The following SYT9 variants were observed in gnomAD, a reference collection of about 807,000 sequenced individuals.
SYT9 encodes synaptotagmin 9.
In SYT9, 22 loss-of-function variants were observed where a neutral mutation model predicts 48.4. That is an observed-to-expected ratio of 0.45 (90% CI 0.32 to 0.65). The LOEUF (loss-of-function observed/expected upper bound fraction) is 0.65, where lower values mean the gene tolerates loss of function less well. Among genes scored for constraint, SYT9 ranks in the 30% least tolerant of loss-of-function variants. SYT9 has a pLI of 0.03. For missense variants in SYT9, 577 were observed against 622.0 expected, an observed-to-expected ratio of 0.93 and a Z score of 0.77; for synonymous variants, 265 against 245.0, an observed-to-expected ratio of 1.08 and a Z score of -0.76.
intron 5 of SYT9, among the ~76,000 whole-genome samples, chr11:7,418,356 A>AT (rs1208508615): frequency 1.3e-5 from 2 of 151,818 alleles, no homozygotes; most frequent in African/African-American, 2.4e-5. Flanking sequence ...CCCCGTTCTC[A>AT]TTTTTTTTCC....
At chr11:7,262,530 T>C (rs1318141382) in intron 1 of SYT9, among the ~76,000 whole-genome samples, 3 of 152,026 alleles carry the variant, frequency 2.0e-5, no homozygotes, top group Non-Finnish European at 4.4e-5. Flanking sequence ...TAGAGAGAAC[T>C]TGAGGAACTA....
intron 3 of SYT9, among the ~76,000 whole-genome samples, chr11:7,384,543 C>T (rs1370688660): frequency 1.3e-5 from 2 of 151,784 alleles, no homozygotes; most frequent in Admixed American, 1.3e-4. Context: ...AATGTGATGA[C>T]CTCTCACCAC....
At position 7,252,668 on chromosome 11, in the gene SYT9, G is replaced by C. The variant is rs1225187736; in HGVS notation, c.145+337G>C. Among the ~76,000 whole-genome samples, 3 of 152,232 alleles carry C rather than the reference G, an allele frequency of 2.0e-5. No individual in the cohort carries two copies. The highest frequency in any genetic ancestry group is 7.2e-5 in the African/African-American group (3 of 41,470). On this transcript the variant is annotated intron_variant, in intron 1 of 6. Transcript: ENST00000318881. The surrounding 1 kb of genome is among the most constrained non-coding windows in gnomAD (Gnocchi z 6.3). The stretch of plus-strand genomic sequence containing the variant: ...ACTTCCCGGGCTATCTGCACTCAGA[G>C]CGAGGGGAGGCCGCGGCGGCCTCGG...
At chr11:7,397,160 A>G (rs1846771463) in intron 3 of SYT9, among the ~76,000 whole-genome samples, 2 of 152,116 alleles carry the variant, frequency 1.3e-5, no homozygotes, top group African/African-American at 2.4e-5. Flanking sequence ...GTCCATTTCC[A>G]TTAAAATCCT....
intron 6 of SYT9, among the ~76,000 whole-genome samples, chr11:7,442,196 C>G (rs1847840732): frequency 6.6e-6 from 1 of 152,086 alleles, no homozygotes; most frequent in Non-Finnish European, 1.5e-5. Flanking sequence ...ACGCTCTGCT[C>G]TCAGTGAAAA....
At chr11:7,370,692 T>A (rs1850346414) in intron 3 of SYT9, among the ~76,000 whole-genome samples, 1 of 152,146 alleles carries the variant, frequency 6.6e-6, no homozygotes, top group Non-Finnish European at 1.5e-5. Flanking sequence ...AGTGCTGATA[T>A]TAACCATGAA....
At chr11:7,268,858 C>T (rs1021117034) in intron 1 of SYT9, among the ~76,000 whole-genome samples, 1 of 152,018 alleles carries the variant, frequency 6.6e-6, no homozygotes. Flanking sequence ...TTTCAACATT[C>T]CAGGAAGTTT....
chr11:7,420,563 G>A lies in SYT9; in HGVS notation c.1395G>A (p.Leu465=). The A allele has an allele frequency of 1.9e-6, 3 of 1,614,170 alleles. No individual in the cohort carries two copies. In the Middle Eastern group the frequency reaches 4.9e-4, roughly 266 times the overall value. ...VCQVGNEAER[L]GRDHWSEMLS... is the part of the protein sequence containing the mutation. The stretch of plus-strand genomic sequence containing the variant: ...AAGTAGGCAACGAGGCTGAGAGGCT[G>A]GGCAGAGACCACTGGAGTGAAATGT... The change falls in exon 6 of 7, where the codon CTG becomes CTA. Residue 465 remains leucine (L), a synonymous_variant. Transcript: ENST00000318881.
chr11:7,275,182 A>T (rs1479769943), intron 1 of SYT9, among the ~76,000 whole-genome samples: 2 of 152,018 alleles, frequency 1.3e-5, no homozygotes, highest in Non-Finnish European at 2.9e-5. Context: ...CTCCCTGACT[A>T]GCCAGCTATG....
chr11:7,247,887 T>TTTAAGGCATCC (rs1259621916), upstream of SYT9, among the ~76,000 whole-genome samples: 7 of 152,090 alleles, frequency 4.6e-5, no homozygotes, highest in African/African-American at 1.7e-4. Context: ...CTTTTAGTTC[T>TTTAAGGCATCC]TTAAGGCATC....
intron 6 of SYT9, chr11:7,441,469 C>T (rs1465289910): frequency 6.6e-6 from 1 of 152,118 alleles, no homozygotes; most frequent in African/African-American, 2.4e-5. Context: ...CTAGATTGAA[C>T]AAAGAAACTG....
At chr11:7,383,545 C>T (rs923476319) in intron 3 of SYT9, among the ~76,000 whole-genome samples, 3 of 152,212 alleles carry the variant, frequency 2.0e-5, no homozygotes, top group African/African-American at 4.8e-5. Flanking sequence ...GTTGCAGTCA[C>T]TGGGGAGAGG....
intron 3 of SYT9, among the ~76,000 whole-genome samples, chr11:7,411,390 G>A (rs1310817004): frequency 6.6e-6 from 1 of 152,038 alleles, no homozygotes; most frequent in African/African-American, 2.4e-5. Flanking sequence ...TTTATTCCGG[G>A]TTTAGGACTT....
intron 3 of SYT9, among the ~76,000 whole-genome samples, chr11:7,390,144 C>T (rs1284257770): frequency 6.6e-6 from 1 of 152,144 alleles, no homozygotes; most frequent in East Asian, 1.9e-4. Flanking sequence ...AGCTCCCCAC[C>T]TCCCAACAGG....
intron 3 of SYT9, among the ~76,000 whole-genome samples, chr11:7,350,895 G>A (rs950164720): frequency 2.0e-5 from 3 of 152,160 alleles, no homozygotes; most frequent in Admixed American, 2.0e-4. Context: ...TATTTATAGT[G>A]GATTCTTGAC....
intron 6 of SYT9, among the ~76,000 whole-genome samples, chr11:7,448,639 G>A (rs1241084921): frequency 6.6e-6 from 1 of 152,226 alleles, no homozygotes; most frequent in Non-Finnish European, 1.5e-5. Context: ...GTGGTGTGTG[G>A]TTCTGTTTTC....
intron 3 of SYT9, among the ~76,000 whole-genome samples, chr11:7,405,479 G>A (rs557650704): frequency 6.6e-6 from 1 of 152,158 alleles, no homozygotes; most frequent in Non-Finnish European, 1.5e-5. Context: ...GGAGAAAGCA[G>A]AATTAGCATC....
chr11:7,354,887 C>T (rs1353481273), intron 3 of SYT9, among the ~76,000 whole-genome samples: 1 of 152,070 alleles, frequency 6.6e-6, no homozygotes, highest in Non-Finnish European at 1.5e-5. Context: ...CAGGAATACT[C>T]TCCCAGGCTA....
chr11:7,396,472 A>C (rs1846754841), intron 3 of SYT9, among the ~76,000 whole-genome samples: 1 of 152,240 alleles, frequency 6.6e-6, no homozygotes. Flanking sequence ...TTAATATGCC[A>C]TTGTATGAAT....
Sources: gnomAD v4.1 joint callset for allele counts (sites outside exome capture counted in the v4.1 genomes callset) on GRCh38, gnomAD v4.1.1 for gene constraint, Gnocchi (gnomAD v3.1) non-coding constraint, MANE v1.5 for transcripts, NCBI Gene and HGNC (gene_info 2026-07-23, HGNC 2026-07-21) for gene names.